The following HIPK2 variants were observed in gnomAD, a reference collection of about 807,000 sequenced individuals.
HIPK2 encodes the protein homeodomain-interacting protein kinase 2.
In HIPK2, 27 loss-of-function variants were observed where a neutral mutation model predicts 113.7. The observed-to-expected ratio is 0.24, with a 90% CI of 0.17 to 0.33. HIPK2 has a LOEUF of 0.33. Ranked by LOEUF, HIPK2 falls within the 10% of genes least tolerant of loss-of-function variation. HIPK2 has a pLI of 1.00. For synonymous variants in HIPK2, 631 were observed against 642.2 expected, an observed-to-expected ratio of 0.98 and a Z score of 0.26; for missense variants, 1,257 against 1,588.0, an observed-to-expected ratio of 0.79 and a Z score of 3.54.
chr7:139,728,859 A>AC lies in HIPK2; in HGVS notation c.20-11845dup, dbSNP rs558713851. 2.3e-3 allele frequency among the ~76,000 whole-genome samples: 355 copies of AC among 152,332 alleles called. 2 individuals are homozygous for AC. Among genetic ancestry groups the AC allele is most frequent in the African/African-American group, 8.2e-3 (341 of 41,576 alleles). On this transcript the variant is annotated intron_variant, in intron 1 of 14. Coordinates refer to ENST00000406875, the MANE Select transcript of HIPK2 (RefSeq NM_022740.5). ...CTTTCTCTATATCTTACCTTAAAGG[A>AC]CCTATAAGTTCATTTCAATTAGTCT... is the stretch of plus-strand genomic sequence containing the variant.
At chr7:139,669,948 T>C (rs2116625798) in intron 2 of HIPK2, among the ~76,000 whole-genome samples, 1 of 152,340 alleles carries the variant, frequency 6.6e-6, no homozygotes, top group East Asian at 1.9e-4. Context: ...TTTGTGGCCA[T>C]GATTTTAACC....
rs1186754507 is a variant in HIPK2, at chr7:139,573,194, G to A, written c.3330C>T (p.Ala1110=). The A allele has an allele frequency of 6.2e-7, 1 of 1,607,188 alleles. No homozygotes were observed. Among genetic ancestry groups the A allele is most frequent in the Non-Finnish European group, 8.5e-7 (1 of 1,179,166 alleles). Residue 1110 remains alanine, a synonymous_variant, in exon 15 of 15, where the codon GCC becomes GCT. Transcript: ENST00000406875. The part of the protein sequence containing the change: ...PHLYTYTAPA[A]LGSTGTVAHL... ...GGGCCACGGTGCCGGTGGAGCCCAG[G>A]GCCGCCGGCGCAGTGTAGGTGTAGA...
intron 12 of HIPK2, among the ~76,000 whole-genome samples, chr7:139,586,275 AAC>A (rs1431945832): frequency 6.6e-6 from 1 of 152,210 alleles, no homozygotes; most frequent in Non-Finnish European, 1.5e-5. Context: ...CAAAAAGCTA[AAC>A]ACAGAGTTAC....
intron 12 of HIPK2, 43 bp downstream of exon 12, chr7:139,596,674 C>T (rs750060325): frequency 6.3e-7 from 1 of 1,593,500 alleles, no homozygotes; most frequent in Non-Finnish European, 8.6e-7. Flanking sequence ...CAATGCAAAC[C>T]CTCCCGGCTC....
chr7:139,723,927 A>G (rs1394494599), intron 1 of HIPK2, among the ~76,000 whole-genome samples: 3 of 152,210 alleles, frequency 2.0e-5, no homozygotes, highest in African/African-American at 7.2e-5. Flanking sequence ...TTTAAGAGGT[A>G]CTAACTTCCT....
rs1447920751 is a variant in HIPK2 at position 139,631,191 on chromosome 7, A to G, written c.1321T>C (p.Ser441Pro). ...TTCAGTCTCCACAAAGGATATGGTG[A>G]GTCCGTGTCACGGTTGAAAAACCTA... is the stretch of plus-strand genomic sequence containing the variant. The part of the protein sequence containing the change: ...TTRFFNRDTD[S>P]PYPLWRLKTP... Residue 441 changes from serine to proline, a missense_variant, in exon 4 of 15, where the codon TCA becomes CCA. By Grantham distance (74) the Ser-to-Pro change is moderately conservative. Around this residue, in one of 5 missense-constraint regions of HIPK2, gnomAD observed 84 missense variants for 182.2 expected, o/e 0.46. Coordinates refer to ENST00000406875, the MANE Select transcript of HIPK2 (RefSeq NM_022740.5). The surrounding 1 kb of genome is among the most constrained non-coding windows in gnomAD (Gnocchi z 4.9). The G allele has an allele frequency of 6.2e-7, 1 of 1,613,484 alleles. No homozygotes were observed. Among genetic ancestry groups the G allele is most frequent in the Non-Finnish European group, 8.5e-7 (1 of 1,179,696 alleles).
intron 2 of HIPK2, among the ~76,000 whole-genome samples, chr7:139,702,059 C>A (rs967886690): frequency 6.6e-6 from 1 of 152,170 alleles, no homozygotes; most frequent in Non-Finnish European, 1.5e-5. Flanking sequence ...GAAAGAAGAA[C>A]ACGCTTTAGG....
At chr7:139,627,846 C>T (rs757757536) in intron 5 of HIPK2, among the ~76,000 whole-genome samples, 27 of 152,200 alleles carry the variant, frequency 1.8e-4, no homozygotes, top group Non-Finnish European at 3.5e-4. Flanking sequence ...TGAGAGCCTG[C>T]GGTCCCTGCC....
At position 139,614,439 on chromosome 7, in the gene HIPK2, G is replaced by C; in HGVS notation, c.1837C>G (p.Leu613Val). 1 of 1,528,764 alleles carries C rather than the reference G, an allele frequency of 6.5e-7. No homozygotes were observed. Among genetic ancestry groups the C allele is most frequent in the South Asian group, 1.2e-5 (1 of 80,032 alleles). 94.7% of individuals were successfully genotyped at this position (1,528,764 alleles called of 1,614,324 possible). ...TGGTAGAGTGTAGATGGGTAGTTTA[G>C]TATGGAGACTTCGGGATTGGCTAAG... Reference protein sequence around the residue: ...ISLANPEVSILNYPSTLYQPS... With the variant: ...ISLANPEVSIVNYPSTLYQPS... The change falls in exon 8 of 15, where the codon CTA (leucine) becomes GTA (valine). Residue 613 changes from leucine (L) to valine (V), a missense_variant. By Grantham distance (32) the Leu-to-Val change is conservative (BLOSUM62 1). This residue lies in a region of HIPK2 where 862 missense variants were observed against 1,004.3 expected (regional missense o/e 0.86). Transcript: ENST00000406875.
chr7:139,616,587 G>A (rs1174205869), intron 7 of HIPK2, among the ~76,000 whole-genome samples: 3 of 152,192 alleles, frequency 2.0e-5, no homozygotes, highest in Non-Finnish European at 2.9e-5. Flanking sequence ...CAAGCCTTTG[G>A]GCTTTAAGGC....
At chr7:139,772,967 A>C (rs1451182466) in intron 1 of HIPK2, among the ~76,000 whole-genome samples, 1 of 151,980 alleles carries the variant, frequency 6.6e-6, no homozygotes, top group Non-Finnish European at 1.5e-5. Context: ...AGAAGAAAAA[A>C]TTCCATCTTG....
intron 2 of HIPK2, among the ~76,000 whole-genome samples, chr7:139,695,067 C>A (rs1028371445): frequency 6.6e-6 from 1 of 152,150 alleles, no homozygotes; most frequent in Admixed American, 6.5e-5. Context: ...CCTCTGGCTG[C>A]GAGGTTCGCC....
At chr7:139,749,885 A>G (rs942526031) in intron 1 of HIPK2, among the ~76,000 whole-genome samples, 1 of 152,228 alleles carries the variant, frequency 6.6e-6, no homozygotes, top group African/African-American at 2.4e-5. Flanking sequence ...AGTGGTTTAG[A>G]GGAAATAACA....
At chr7:139,573,524 T>TC in intron 14 of HIPK2, 127 bp from the exon 15 acceptor site, 1 of 847,302 alleles carries the variant, frequency 1.2e-6, no homozygotes, top group Non-Finnish European at 1.8e-6. Flanking sequence ...AGAAGGGGCT[T>TC]CCCTCTGTGT....
At chr7:139,626,480 G>T in intron 6 of HIPK2, 121 bp downstream of exon 6, 3 of 1,010,240 alleles carry the variant, frequency 3.0e-6, no homozygotes, top group Non-Finnish European at 4.4e-6. Context: ...GCTGCTTTCA[G>T]CTACAGTGAC....
At chr7:139,763,357 C>G (rs1796499133) in intron 1 of HIPK2, among the ~76,000 whole-genome samples, 1 of 152,070 alleles carries the variant, frequency 6.6e-6, no homozygotes, top group Non-Finnish European at 1.5e-5. Context: ...AGTCAGGAAG[C>G]CAGTCCAGAT....
At position 139,604,236 on chromosome 7, in the gene HIPK2, G is replaced by C. The variant is rs1799538657; in HGVS notation, c.2113-13C>G. 1.3e-6 allele frequency: 2 copies of C among 1,598,728 alleles called. No homozygotes were observed. Among genetic ancestry groups the C allele is most frequent in the East Asian group, 4.5e-5 (2 of 44,670 alleles). On this transcript the variant is annotated splice_polypyrimidine_tract_variant and intron_variant, in intron 9 of 14. Coordinates refer to ENST00000406875, the MANE Select transcript of HIPK2 (RefSeq NM_022740.5). The stretch of plus-strand genomic sequence containing the variant: ...TTGGCCAAGCCTGCTGTAGAACACA[G>C]GACATGTGCAATGACCATGTTTGCT...
intron 2 of HIPK2, among the ~76,000 whole-genome samples, chr7:139,654,787 C>T (rs181929301): frequency 3.4e-4 from 52 of 152,292 alleles, no homozygotes; most frequent in Admixed American, 6.5e-4. Context: ...CTGTTCATTA[C>T]GATATTCCTG....
chr7:139,762,407 A>G (rs151023003), intron 1 of HIPK2, among the ~76,000 whole-genome samples: 14 of 152,326 alleles, frequency 9.2e-5, no homozygotes, highest in Middle Eastern at 3.4e-3. Flanking sequence ...TCCTCATGTG[A>G]AAATGTTACC....
Sources: gnomAD v4.1 joint callset for allele counts (sites outside exome capture counted in the v4.1 genomes callset) on GRCh38, gnomAD v4.1.1 for gene constraint, gnomAD v4.1.1 regional missense constraint, Gnocchi (gnomAD v3.1) non-coding constraint, MANE v1.5 for transcripts, NCBI Gene and HGNC (gene_info 2026-07-23, HGNC 2026-07-21) for gene names.